CTNNA3: variants seen among roughly 807,000 people sequenced by gnomAD.
The protein encoded by CTNNA3 is catenin alpha-3.
Under a neutral mutation model 95.7 loss-of-function variants are expected in CTNNA3, and 76 were observed. That is an observed-to-expected ratio of 0.79 (90% confidence interval 0.66 to 0.96). CTNNA3 has a LOEUF of 0.96. CTNNA3 is among the 40% of genes least tolerant of loss of function. The pLI is 0.00. For synonymous variants in CTNNA3, 431 were observed against 374.4 expected (o/e 1.15, Z -1.74); for missense variants, 1,191 against 1,089.8 (o/e 1.09, Z -1.31).
chr10:66,479,664 C>A (rs899699309), intron 11 of CTNNA3, among the ~76,000 whole-genome samples: 6 of 151,910 alleles, frequency 3.9e-5, no homozygotes, highest in African/African-American at 1.5e-4. Flanking sequence ...TAAAATTCAA[C>A]ACATATGTTG....
chr10:66,541,438 T>C (rs1841847438), intron 10 of CTNNA3, among the ~76,000 whole-genome samples: 1 of 152,152 alleles, frequency 6.6e-6, no homozygotes, highest in Non-Finnish European at 1.5e-5. Context: ...CTTCCATTGC[T>C]TCCCTTCATC....
intron 13 of CTNNA3, among the ~76,000 whole-genome samples, chr10:66,133,501 A>C (rs1426721534): frequency 4.0e-5 from 6 of 151,544 alleles, no homozygotes; most frequent in African/African-American, 1.5e-4. Flanking sequence ...CGACAGAGTG[A>C]GAGTCTGTCT....
chr10:67,644,675 A>G (rs1839649788), intron 2 of CTNNA3, among the ~76,000 whole-genome samples: 1 of 152,040 alleles, frequency 6.6e-6, no homozygotes, highest in Admixed American at 6.6e-5. Flanking sequence ...CCATTATTAA[A>G]AAAACAAGAG....
chr10:65,994,568 C>T (rs879242038), intron 15 of CTNNA3, among the ~76,000 whole-genome samples: 3 of 152,016 alleles, frequency 2.0e-5, no homozygotes, highest in African/African-American at 4.8e-5. Flanking sequence ...CATTCTCTTC[C>T]TGTCTTTAGA....
At chr10:66,225,683 T>C (rs1360588932) in intron 13 of CTNNA3, among the ~76,000 whole-genome samples, 1 of 151,826 alleles carries the variant, frequency 6.6e-6, no homozygotes, top group African/African-American at 2.4e-5. Context: ...TGTCCTAATT[T>C]ACATTCTCAT....
At chr10:67,516,588 T>G (rs1461535127) in intron 5 of CTNNA3, among the ~76,000 whole-genome samples, 1 of 152,202 alleles carries the variant, frequency 6.6e-6, no homozygotes, top group East Asian at 1.9e-4. Flanking sequence ...TTGACAAAGA[T>G]TGAATATATT....
chr10:66,512,588 A>G (rs12265166), intron 11 of CTNNA3, among the ~76,000 whole-genome samples: 4,348 of 152,190 alleles, frequency 0.029, 203 homozygotes, highest in African/African-American at 0.1. Flanking sequence ...GGTAACATCT[A>G]CCAATGATAT....
chr10:66,961,887 G>A (rs1450434510), intron 7 of CTNNA3, among the ~76,000 whole-genome samples: 1 of 152,012 alleles, frequency 6.6e-6, no homozygotes, highest in African/African-American at 2.4e-5. Flanking sequence ...GCATATGGAG[G>A]CCAAATGTTT....
chr10:66,258,883 T>C (rs2090890644), intron 13 of CTNNA3, among the ~76,000 whole-genome samples: 4 of 152,170 alleles, frequency 2.6e-5, no homozygotes, highest in Admixed American at 2.6e-4. Context: ...ACTTCTCTTT[T>C]CTGTACAGGA....
At chr10:66,468,088 C>T (rs1228589084) in intron 11 of CTNNA3, among the ~76,000 whole-genome samples, 1 of 151,782 alleles carries the variant, frequency 6.6e-6, no homozygotes, top group Non-Finnish European at 1.5e-5. Flanking sequence ...GAGAAAATAG[C>T]GATTTTAATT....
At position 66,424,665 on chromosome 10, in the gene CTNNA3, T is replaced by C. The variant is rs1029756388; in HGVS notation, c.1532-45313A>G. 5.2e-4 allele frequency among the ~76,000 whole-genome samples: 79 copies of C among 152,160 alleles called. 1 individual carries two copies. The highest frequency in any genetic ancestry group is 1.7e-3 in the African/African-American group (70 of 41,450). ...AATGTAGTTTATAGTGACCTCACTT[T>C]TCGAAACTTGAAGAGACTTTCTTCC... On this transcript the variant is annotated intron_variant, in intron 11 of 17. Transcript: ENST00000433211.
chr10:67,048,804 C>T (rs867441529), intron 7 of CTNNA3, among the ~76,000 whole-genome samples: 12 of 151,988 alleles, frequency 7.9e-5, no homozygotes, highest in Admixed American at 2.0e-4. Flanking sequence ...TATTATATCT[C>T]ATAACATAAT....
rs1842176539 is a variant in CTNNA3, at chr10:67,576,896, T to C, written c.292+29961A>G. Among the ~76,000 whole-genome samples, 2 of 113,416 alleles carry C rather than the reference T, an allele frequency of 1.8e-5. 1 individual carries two copies. Among genetic ancestry groups the C allele is most frequent in the Non-Finnish European group, 3.2e-5 (2 of 63,374 alleles). The allele number at this position is 113,416 out of a possible 152,430, so 74.4% of individuals were successfully genotyped here. On this transcript the variant is annotated intron_variant, in intron 3 of 17. Transcript: ENST00000433211. ...AAAGGACATGAACTCATCTTTCTTA[T>C]GGTGTCATAGTATTCCATGGTGTAT...
intron 5 of CTNNA3, among the ~76,000 whole-genome samples, chr10:67,471,637 T>A (rs1234191141): frequency 6.6e-6 from 1 of 152,144 alleles, no homozygotes; most frequent in African/African-American, 2.4e-5. Flanking sequence ...TTGAGGATAG[T>A]AAGAAAAAGA....
intron 7 of CTNNA3, among the ~76,000 whole-genome samples, chr10:67,035,022 T>C (rs1853958771): frequency 6.6e-6 from 1 of 152,226 alleles, no homozygotes; most frequent in African/African-American, 2.4e-5. Flanking sequence ...GAAGCCCTTA[T>C]TGAGGTCACC....
At chr10:67,306,895 A>G (rs549081587) in intron 5 of CTNNA3, among the ~76,000 whole-genome samples, 1 of 152,322 alleles carries the variant, frequency 6.6e-6, no homozygotes, top group Non-Finnish European at 1.5e-5. Flanking sequence ...TCCAGAGGAA[A>G]CACTATTTCC....
intron 5 of CTNNA3, among the ~76,000 whole-genome samples, chr10:67,489,055 T>C (rs1460506416): frequency 1.3e-5 from 2 of 152,278 alleles, no homozygotes; most frequent in Admixed American, 6.5e-5. Flanking sequence ...GATTTTTTTA[T>C]AGTACTTGAT....
chr10:66,431,064 A>AC (rs1554962208), intron 11 of CTNNA3, among the ~76,000 whole-genome samples: 6 of 151,174 alleles, frequency 4.0e-5, no homozygotes, highest in Non-Finnish European at 7.4e-5. Context: ...AAAAAAAAAA[A>AC]CCCATCAAAA....
Position 65,919,415 on chromosome 10 carries a change from A to C in CTNNA3, c.*915T>G, listed in dbSNP as rs1241626222. On this transcript the variant is annotated 3_prime_UTR_variant, in exon 18 of 18. Transcript: ENST00000433211. ...TTTTCAAACTGCCATTTTCCTTTTAATTACAATTGCAAGCTGATAAAAATG... is the reference window on the plus strand; with the variant it reads ...TTTTCAAACTGCCATTTTCCTTTTACTTACAATTGCAAGCTGATAAAAATG... The C allele has an allele frequency of 6.6e-6, 1 of 152,204 alleles. No individual in the cohort carries two copies. The highest frequency in any genetic ancestry group is 1.9e-4 in the East Asian group (1 of 5,198). 9.4% of individuals were successfully genotyped at this position (152,204 alleles called of 1,614,324 possible).
Sources: gnomAD v4.1 joint callset for allele counts (sites outside exome capture counted in the v4.1 genomes callset) on GRCh38, gnomAD v4.1.1 for gene constraint, MANE v1.5 for transcripts, NCBI Gene and HGNC (gene_info 2026-07-23, HGNC 2026-07-21) for gene names.